Variants in NTM observed in about 807,000 individuals in gnomAD.
NTM encodes IgLON family member 2.
In NTM, 13 loss-of-function variants were observed where a neutral mutation model predicts 42.1. The ratio of observed to expected loss-of-function variants is 0.31; its 90% CI spans 0.20 to 0.49. The LOEUF (loss-of-function observed/expected upper bound fraction) is 0.49. Ranked by LOEUF, NTM falls within the 20% of genes least tolerant of loss-of-function variation. The probability of loss-of-function intolerance (pLI) is 0.99; values close to 1 mark genes in which losing one functional copy is unlikely to be tolerated. For synonymous variants in NTM, 187 were observed against 179.2 expected (o/e 1.04, Z -0.35); for missense variants, 373 against 452.8 (o/e 0.82, Z 1.60).
At chr11:131,635,525 TGTACTAA>T (rs1462784572) in intron 1 of NTM, among the ~76,000 whole-genome samples, 8 of 152,176 alleles carry the variant, frequency 5.3e-5, no homozygotes, top group Non-Finnish European at 8.8e-5. Flanking sequence ...GTATGACGTG[TGTACTAA>T]GTACTAATAT....
chr11:131,659,313 C>T (rs1213159795), intron 1 of NTM, among the ~76,000 whole-genome samples: 1 of 152,228 alleles, frequency 6.6e-6, no homozygotes, highest in Non-Finnish European at 1.5e-5. Flanking sequence ...AGTATTGTTG[C>T]AGCCTGACCA....
Position 132,094,027 on chromosome 11 carries a change from T to A in NTM, c.168-52255T>A, listed in dbSNP as rs149450990. Among the ~76,000 whole-genome samples the A allele has an allele frequency of 1.7e-3, 252 of 152,230 alleles. 2 individuals are homozygous for A. The highest frequency in any genetic ancestry group is 5.7e-3 in the African/African-American group (237 of 41,548). On this transcript the variant is annotated intron_variant, in intron 2 of 8. Coordinates refer to ENST00000683400, the MANE Select transcript of NTM (RefSeq NM_001352005.2). The stretch of plus-strand genomic sequence containing the variant: ...TGATGAACAGAAAACGGAAGTGAGA[T>A]ACAGAAACCGCCGGTTTGGTTACAG...
chr11:132,050,546 G>T (rs1448957130), intron 2 of NTM, among the ~76,000 whole-genome samples: 2 of 152,174 alleles, frequency 1.3e-5, no homozygotes, highest in Non-Finnish European at 2.9e-5. Context: ...GGGGAGACAG[G>T]CGAAAACATG....
chr11:131,751,916 C>T (rs1236875874), intron 1 of NTM, among the ~76,000 whole-genome samples: 1 of 152,208 alleles, frequency 6.6e-6, no homozygotes, highest in Non-Finnish European at 1.5e-5. Context: ...CCATTTTAGA[C>T]TCAGTGGCTG....
At position 132,092,543 on chromosome 11, in the gene NTM, C is replaced by T. The variant is rs114484997; in HGVS notation, c.168-53739C>T. ...CATGGTGTTCTTTGGGATTCTACTT[C>T]CTCTGACAGTAACAGCAGTATTGGT... On this transcript the variant is annotated intron_variant, in intron 2 of 8. Transcript: ENST00000683400. Among the ~76,000 whole-genome samples, 514 of 152,290 alleles carry T rather than the reference C, an allele frequency of 3.4e-3. 5 individuals carry two copies. The highest frequency in any genetic ancestry group is 0.012 in the African/African-American group (500 of 41,548).
At chr11:132,280,448 C>T (rs2093925475) in intron 4 of NTM, among the ~76,000 whole-genome samples, 1 of 149,268 alleles carries the variant, frequency 6.7e-6, no homozygotes, top group South Asian at 2.1e-4. Context: ...ATCTCCTGGC[C>T]TCACCACACT....
chr11:131,624,071 C>A, intron 1 of NTM, among the ~76,000 whole-genome samples: 1 of 152,212 alleles, frequency 6.6e-6, no homozygotes, highest in East Asian at 1.9e-4. Flanking sequence ...TCCTGGGGCA[C>A]CTTGTACTCT....
chr11:132,007,352 C>T (rs2071027767), intron 2 of NTM, among the ~76,000 whole-genome samples: 1 of 152,078 alleles, frequency 6.6e-6, no homozygotes, highest in African/African-American at 2.4e-5. Flanking sequence ...CTTAAGAGCA[C>T]AAATAAGACC....
chr11:132,292,602 C>A (rs971369210), intron 4 of NTM, among the ~76,000 whole-genome samples: 2 of 151,216 alleles, frequency 1.3e-5, no homozygotes, highest in African/African-American at 4.9e-5. Context: ...TACGGAGAAG[C>A]CAGTTTGTTT....
At chr11:131,565,072 GC>G (rs1462254638) in intron 1 of NTM, among the ~76,000 whole-genome samples, 4 of 152,152 alleles carry the variant, frequency 2.6e-5, no homozygotes, top group African/African-American at 9.7e-5. Flanking sequence ...ACCTCCCCCT[GC>G]ATGAGAAGAA....
chr11:131,876,538 C>A (rs1428636965), intron 1 of NTM, among the ~76,000 whole-genome samples: 2 of 152,224 alleles, frequency 1.3e-5, no homozygotes, highest in Non-Finnish European at 1.5e-5. Context: ...TTAGACAAAT[C>A]TGCTAGAAGA....
chr11:131,820,063 T>C (rs185242722), intron 1 of NTM, among the ~76,000 whole-genome samples: 4 of 152,324 alleles, frequency 2.6e-5, no homozygotes, highest in African/African-American at 7.2e-5. Flanking sequence ...TCACTTTTCT[T>C]ATTAACTAAC....
intron 7 of NTM, among the ~76,000 whole-genome samples, chr11:132,320,045 A>G (rs924578761): frequency 1.3e-5 from 2 of 152,256 alleles, no homozygotes; most frequent in African/African-American, 4.8e-5. Flanking sequence ...ACAGACCTGC[A>G]GATGAGGGTC....
chr11:131,714,669 G>A (rs771622513), intron 1 of NTM, among the ~76,000 whole-genome samples: 1 of 152,154 alleles, frequency 6.6e-6, no homozygotes, highest in Non-Finnish European at 1.5e-5. Flanking sequence ...CTGTAACAGT[G>A]TCATAGGCTA....
chr11:131,853,781 T>A (rs370604272), intron 1 of NTM, among the ~76,000 whole-genome samples: 23 of 152,176 alleles, frequency 1.5e-4, no homozygotes, highest in Middle Eastern at 3.2e-3. Context: ...CTGGATCAAG[T>A]GATATTTCTG....
intron 1 of NTM, among the ~76,000 whole-genome samples, chr11:131,403,965 T>C (rs987390360): frequency 6.6e-6 from 1 of 152,158 alleles, no homozygotes; most frequent in African/African-American, 2.4e-5. Context: ...ATTATCTTCC[T>C]CTTTCTTCTA....
At chr11:131,478,757 T>C (rs1953232479) in intron 1 of NTM, among the ~76,000 whole-genome samples, 1 of 152,216 alleles carries the variant, frequency 6.6e-6, no homozygotes. Context: ...TACCCAGAAA[T>C]GGTTACATTT....
chr11:132,324,906 A>C (rs1331132517), intron 7 of NTM, among the ~76,000 whole-genome samples: 2 of 151,160 alleles, frequency 1.3e-5, no homozygotes, highest in African/African-American at 4.9e-5. Flanking sequence ...CCTGAGAAAA[A>C]CAAGCAATGG....
intron 1 of NTM, among the ~76,000 whole-genome samples, chr11:131,789,895 G>T (rs1181364386): frequency 7.1e-5 from 10 of 141,318 alleles, no homozygotes; most frequent in Non-Finnish European, 9.0e-5. Flanking sequence ...GGCGGAGCTT[G>T]CAGTGAGCCG....
Sources: allele counts gnomAD v4.1 joint callset (sites outside exome capture counted in the v4.1 genomes callset), GRCh38; gene constraint gnomAD v4.1.1; transcripts MANE v1.5; gene names NCBI Gene and HGNC (gene_info 2026-07-23, HGNC 2026-07-21).